Variants in UBE2E2 observed in about 807,000 individuals in gnomAD.
UBE2E2 encodes the protein ubiquitin-conjugating enzyme E2 E2.
UBE2E2 carries 6 observed loss-of-function variants against 24.7 expected under a neutral mutation model. The ratio of observed to expected loss-of-function variants is 0.24; its 90% CI spans 0.13 to 0.48. The LOEUF (loss-of-function observed/expected upper bound fraction) is 0.48. UBE2E2 is among the 20% of genes least tolerant of loss of function. The pLI, the probability that UBE2E2 is intolerant of heterozygous loss-of-function variation, is 0.99. For synonymous variants in UBE2E2, 104 were observed against 83.6 expected, an observed-to-expected ratio of 1.24 and a Z score of -1.33; for missense variants, 169 against 245.0, an observed-to-expected ratio of 0.69 and a Z score of 2.07.
chr3:23,204,086 A>G (rs541744479), intron 1 of UBE2E2, among the ~76,000 whole-genome samples: 78 of 152,142 alleles, frequency 5.1e-4, no homozygotes, highest in African/African-American at 1.8e-3. Context: ...TCTTCTCTGC[A>G]GCCCCCACTG....
chr3:23,586,538 T>A, intron 5 of UBE2E2, among the ~76,000 whole-genome samples: 1 of 152,114 alleles, frequency 6.6e-6, no homozygotes, highest in Non-Finnish European at 1.5e-5. Context: ...CCTCAAGCTG[T>A]CCTCCACCCT....
At chr3:23,332,718 T>TGTGTGTGTGCGC (rs1491331498) in intron 3 of UBE2E2, among the ~76,000 whole-genome samples, 22 of 148,366 alleles carry the variant, frequency 1.5e-4, no homozygotes, top group African/African-American at 4.7e-4. Flanking sequence ...TGTGTGTGTG[T>TGTGTGTGTGCGC]GCAGCTATGG....
chr3:23,551,049 GT>G (rs1695631561), intron 5 of UBE2E2, among the ~76,000 whole-genome samples: 1 of 152,068 alleles, frequency 6.6e-6, no homozygotes, highest in Admixed American at 6.5e-5. Flanking sequence ...GTATCATACT[GT>G]TCCTAAATAA....
chr3:23,332,780 A>G (rs954047251), intron 3 of UBE2E2, among the ~76,000 whole-genome samples: 10 of 151,392 alleles, frequency 6.6e-5, no homozygotes, highest in African/African-American at 2.4e-4. Flanking sequence ...GAAAAGGAGT[A>G]GTATTTAGTT....
intron 4 of UBE2E2, among the ~76,000 whole-genome samples, chr3:23,502,418 C>T (rs866929897): frequency 6.6e-6 from 1 of 151,998 alleles, no homozygotes; most frequent in African/African-American, 2.4e-5. Flanking sequence ...AAAATTAGTC[C>T]GTAGCATGAT....
intron 4 of UBE2E2, among the ~76,000 whole-genome samples, chr3:23,505,332 G>A (rs1694422340): frequency 6.6e-6 from 1 of 152,050 alleles, no homozygotes; most frequent in African/African-American, 2.4e-5. Flanking sequence ...TTTTAATTTA[G>A]CTTTTTCTGT....
At chr3:23,402,225 A>G (rs578202097) in intron 3 of UBE2E2, among the ~76,000 whole-genome samples, 1 of 152,164 alleles carries the variant, frequency 6.6e-6, no homozygotes, top group Non-Finnish European at 1.5e-5. Flanking sequence ...TAATTACACT[A>G]TCTTTGTTTG....
At chr3:23,448,131 C>G (rs1698475268) in intron 3 of UBE2E2, among the ~76,000 whole-genome samples, 1 of 151,836 alleles carries the variant, frequency 6.6e-6, no homozygotes, top group Admixed American at 6.6e-5. Flanking sequence ...CTGTGGATAT[C>G]AGGGTCTTTT....
At chr3:23,261,538 A>C (rs1003477027) in intron 3 of UBE2E2, among the ~76,000 whole-genome samples, 1 of 152,142 alleles carries the variant, frequency 6.6e-6, no homozygotes, top group African/African-American at 2.4e-5. Flanking sequence ...ATTACTAGCT[A>C]TAGTTAATTA....
At position 23,571,531 on chromosome 3, in the gene UBE2E2, G is replaced by A. The variant is rs534863533; in HGVS notation, c.509-18203G>A. 4.6e-5 allele frequency among the ~76,000 whole-genome samples: 7 copies of A among 151,450 alleles called. No individual in the cohort carries two copies. The South Asian group carries it at 6.3e-4, about 14-fold the overall frequency. The stretch of plus-strand genomic sequence containing the variant: ...TCTCAAACTCCTGACCTCGTGATCC[G>A]CCCATCTCGGCCTCCCAAAGTGCTG... On this transcript the variant is annotated intron_variant, in intron 5 of 5. Transcript: ENST00000396703.
intron 3 of UBE2E2, among the ~76,000 whole-genome samples, chr3:23,413,193 T>C (rs2125383389): frequency 8.4e-6 from 1 of 119,646 alleles, no homozygotes; most frequent in East Asian, 2.4e-4. Flanking sequence ...ACTTAAAGTA[T>C]AATAATAATA....
chr3:23,578,503 C>A (rs749203801), intron 5 of UBE2E2, among the ~76,000 whole-genome samples: 2 of 152,142 alleles, frequency 1.3e-5, no homozygotes, highest in Non-Finnish European at 2.9e-5. Context: ...GCACTACTCA[C>A]AATAGCAAAG....
At chr3:23,570,545 TAATA>T (rs1328467700) in intron 5 of UBE2E2, among the ~76,000 whole-genome samples, 4 of 152,170 alleles carry the variant, frequency 2.6e-5, no homozygotes, top group South Asian at 2.1e-4. Context: ...AAACAATGTA[TAATA>T]AATAATTTAT....
At chr3:23,524,152 T>A (rs1305086542) in intron 4 of UBE2E2, among the ~76,000 whole-genome samples, 1 of 152,204 alleles carries the variant, frequency 6.6e-6, no homozygotes, top group Non-Finnish European at 1.5e-5. Context: ...TAGTTTTTCA[T>A]CTTGGAGGTG....
intron 3 of UBE2E2, among the ~76,000 whole-genome samples, chr3:23,446,935 T>A (rs1034900211): frequency 1.3e-5 from 2 of 152,156 alleles, no homozygotes; most frequent in East Asian, 1.9e-4. Context: ...TCAATTGTAA[T>A]AGGCCTCAAA....
chr3:23,374,958 G>T (rs1018481442), intron 3 of UBE2E2, among the ~76,000 whole-genome samples: 2 of 151,948 alleles, frequency 1.3e-5, no homozygotes, highest in African/African-American at 4.8e-5. Context: ...TATGAAGATT[G>T]TATTTTTTAA....
chr3:23,285,319 A>G (rs1698592029), intron 3 of UBE2E2, among the ~76,000 whole-genome samples: 1 of 152,190 alleles, frequency 6.6e-6, no homozygotes, highest in African/African-American at 2.4e-5. Context: ...TGCTATCGTG[A>G]ATAGTGCTGC....
rs1444977595 is a variant in UBE2E2, at chr3:23,362,984, G to A, written c.228-136624G>A. On this transcript the variant is annotated intron_variant, in intron 3 of 5. Transcript: ENST00000396703. ...CCCTACAAGTCAGAAGAGATTGGGGGGTCTATATTCAGCATTCTTAAAGAA... is the reference window on the plus strand; with the variant it reads ...CCCTACAAGTCAGAAGAGATTGGGGAGTCTATATTCAGCATTCTTAAAGAA... Among the ~76,000 whole-genome samples the A allele has an allele frequency of 4.6e-5, 7 of 152,122 alleles. No individual in the cohort carries two copies. In the East Asian group the frequency reaches 9.7e-4, roughly 21 times the overall value.
intron 3 of UBE2E2, among the ~76,000 whole-genome samples, chr3:23,396,945 C>T (rs1398253152): frequency 6.6e-6 from 1 of 152,128 alleles, no homozygotes; most frequent in African/African-American, 2.4e-5. Context: ...GAGTGTGATA[C>T]CTGCTTTAAG....
Sources: allele counts gnomAD v4.1 joint callset (sites outside exome capture counted in the v4.1 genomes callset), GRCh38; gene constraint gnomAD v4.1.1; transcripts MANE v1.5; gene names NCBI Gene and HGNC (gene_info 2026-07-23, HGNC 2026-07-21).